Variants in SLC2A13 observed in about 807,000 individuals in gnomAD.
The protein encoded by SLC2A13 is proton myo-inositol cotransporter.
A neutral mutation model predicts 64.4 loss-of-function variants in SLC2A13; 32 were observed. That is an observed-to-expected ratio of 0.50 (90% CI 0.37 to 0.67). The LOEUF is 0.67. SLC2A13 is among the 30% of genes least tolerant of loss of function. The pLI is 0.00. For synonymous variants in SLC2A13, 338 were observed against 327.1 expected (o/e 1.03, Z -0.36); for missense variants, 743 against 829.2 (o/e 0.90, Z 1.28).
At chr12:39,978,561 C>T (rs563054169) in intron 3 of SLC2A13, among the ~76,000 whole-genome samples, 37 of 152,164 alleles carry the variant, frequency 2.4e-4, no homozygotes, top group Non-Finnish European at 4.9e-4. Context: ...AAAGGGGTGA[C>T]GGATGCACCT....
At chr12:39,979,249 TCTAAAACGCAGA>T (rs1378127545) in intron 3 of SLC2A13, among the ~76,000 whole-genome samples, 2 of 128,020 alleles carry the variant, frequency 1.6e-5, no homozygotes, top group African/African-American at 5.9e-5. Context: ...AACTGGAAAC[TCTAAAACGCAGA>T]GCGCCTCTCC....
intron 1 of SLC2A13, among the ~76,000 whole-genome samples, chr12:40,054,350 C>T (rs1228956334): frequency 6.6e-6 from 1 of 152,052 alleles, no homozygotes; most frequent in Non-Finnish European, 1.5e-5. Context: ...ATTCTAATCA[C>T]TAACCAAATA....
chr12:39,924,780 A>G (rs1320185399), intron 4 of SLC2A13, among the ~76,000 whole-genome samples: 2 of 152,170 alleles, frequency 1.3e-5, no homozygotes, highest in Non-Finnish European at 2.9e-5. Context: ...TGTAAAATGC[A>G]ATAGGCTTGA....
intron 6 of SLC2A13, among the ~76,000 whole-genome samples, chr12:39,860,207 G>C (rs1943719863): frequency 6.6e-6 from 1 of 152,208 alleles, no homozygotes; most frequent in South Asian, 2.1e-4. Context: ...TTGGACCTCA[G>C]TAAGGAAACT....
intron 4 of SLC2A13, among the ~76,000 whole-genome samples, chr12:39,902,352 A>T (rs990119356): frequency 2.0e-5 from 3 of 152,010 alleles, no homozygotes; most frequent in African/African-American, 7.2e-5. Flanking sequence ...ATAATAAAAT[A>T]AAAATTAAAA....
At chr12:39,942,976 C>T (rs554863996) in intron 4 of SLC2A13, among the ~76,000 whole-genome samples, 6 of 152,192 alleles carry the variant, frequency 3.9e-5, no homozygotes, top group Non-Finnish European at 8.8e-5. Context: ...GATGCTATTC[C>T]TTTCTGTTTG....
intron 3 of SLC2A13, among the ~76,000 whole-genome samples, chr12:40,010,948 G>A (rs958855173): frequency 6.6e-6 from 1 of 152,184 alleles, no homozygotes; most frequent in African/African-American, 2.4e-5. Flanking sequence ...GGTTTGGTAA[G>A]TGTGAGATGT....
intron 1 of SLC2A13, among the ~76,000 whole-genome samples, chr12:40,051,202 T>C (rs1014522595): frequency 3.9e-5 from 6 of 152,228 alleles, no homozygotes; most frequent in Non-Finnish European, 8.8e-5. Context: ...TGGATTCTAC[T>C]GTGGCAAGCT....
At chr12:39,780,848 T>A (rs10747880) in intron 7 of SLC2A13, among the ~76,000 whole-genome samples, 127,783 of 152,034 alleles carry the variant, frequency 0.84, 54,141 homozygotes, top group East Asian at 0.98. Flanking sequence ...AGAAATTTTT[T>A]AAAAAAACTT....
chr12:39,993,427 T>C (rs1947172595), intron 3 of SLC2A13, among the ~76,000 whole-genome samples: 2 of 152,222 alleles, frequency 1.3e-5, no homozygotes, highest in Admixed American at 6.5e-5. Context: ...GTTTAAGAGA[T>C]AGATGCAGAG....
rs750484833 is a variant in SLC2A13 at position 40,105,422 on chromosome 12, C to A, written c.387G>T (p.Gly129=). 78 of 1,551,438 alleles carry A rather than the reference C, an allele frequency of 5.0e-5. No homozygotes were observed. The African/African-American group carries it at 7.3e-4, about 14-fold the overall frequency. ...WQELLVSSTV[G]AAAVSALAGG... ...CGGCCAGCGCCGAGACGGCAGCCGC[C>A]CCCACCGTGCTGGACACCAGCAGCT... The change falls in exon 1 of 10, where the codon GGG becomes GGT. Residue 129 remains glycine, a synonymous_variant. Coordinates refer to ENST00000280871, the MANE Select transcript of SLC2A13 (RefSeq NM_052885.4). This position sits in a 1 kb window ranked among gnomAD's most constrained non-coding sequence, Gnocchi z 4.2.
chr12:40,070,856 T>C (rs1387597972), intron 1 of SLC2A13, among the ~76,000 whole-genome samples: 1 of 152,158 alleles, frequency 6.6e-6, no homozygotes, highest in East Asian at 1.9e-4. Flanking sequence ...GGCGTTTTTG[T>C]CAAAGCACTT....
chr12:40,041,927 A>C (rs1226847216), intron 2 of SLC2A13, among the ~76,000 whole-genome samples: 1 of 152,142 alleles, frequency 6.6e-6, no homozygotes, highest in South Asian at 2.1e-4. Flanking sequence ...TCTCATGTAC[A>C]TCATCACTGT....
intron 3 of SLC2A13, among the ~76,000 whole-genome samples, chr12:39,972,665 A>T (rs1946685414): frequency 6.6e-6 from 1 of 152,234 alleles, no homozygotes; most frequent in African/African-American, 2.4e-5. Flanking sequence ...TTGATGTAGT[A>T]TCATTCATAG....
chr12:40,090,257 A>C (rs1277930657), intron 1 of SLC2A13, among the ~76,000 whole-genome samples: 1 of 152,142 alleles, frequency 6.6e-6, no homozygotes, highest in African/African-American at 2.4e-5. Context: ...AATGCTTCCA[A>C]ATCTTCATTA....
chr12:39,897,828 A>G lies in SLC2A13; in HGVS notation c.1035-25867T>C, dbSNP rs182460787. On this transcript the variant is annotated intron_variant, in intron 4 of 9. Coordinates refer to ENST00000280871, the MANE Select transcript of SLC2A13 (RefSeq NM_052885.4). ...TTGTTTGAAGACTTTTTTCTATAAT[A>G]TTTTCATAAATCACAAAATGTATAT... Among the ~76,000 whole-genome samples the G allele has an allele frequency of 1.6e-3, 237 of 152,228 alleles. 1 individual carries two copies. The highest frequency in any genetic ancestry group is 5.4e-3 in the African/African-American group (223 of 41,558).
At chr12:40,054,223 G>T (rs1269598364) in intron 1 of SLC2A13, among the ~76,000 whole-genome samples, 1 of 152,138 alleles carries the variant, frequency 6.6e-6, no homozygotes, top group Non-Finnish European at 1.5e-5. Context: ...GATGATTTGA[G>T]ATCTTCAAAA....
At position 40,065,058 on chromosome 12, in the gene SLC2A13, T is replaced by C. The variant is rs1937670689; in HGVS notation, c.557-16848A>G. ...TACTGATACCAGAAAGTTATACTTATCTTGAAAAGCTTAAATTTTAGATAC... is the reference window on the plus strand; with the variant it reads ...TACTGATACCAGAAAGTTATACTTACCTTGAAAAGCTTAAATTTTAGATAC... On this transcript the variant is annotated intron_variant, in intron 1 of 9. Transcript: ENST00000280871. Among the ~76,000 whole-genome samples the C allele has an allele frequency of 2.0e-5, 3 of 152,300 alleles. No homozygotes were observed. The South Asian group carries it at 6.2e-4, about 32-fold the overall frequency.
intron 3 of SLC2A13, among the ~76,000 whole-genome samples, chr12:39,952,388 TA>T (rs1203532598): frequency 6.6e-6 from 1 of 152,192 alleles, no homozygotes; most frequent in Non-Finnish European, 1.5e-5. Context: ...TAATGAACTC[TA>T]AACCAAGTCC....
Sources: gnomAD v4.1 joint callset for allele counts (sites outside exome capture counted in the v4.1 genomes callset) on GRCh38, gnomAD v4.1.1 for gene constraint, Gnocchi (gnomAD v3.1) non-coding constraint, MANE v1.5 for transcripts, NCBI Gene and HGNC (gene_info 2026-07-23, HGNC 2026-07-21) for gene names.